Variants in PCCA observed in about 807,000 individuals in gnomAD.
PCCA encodes propionyl-CoA carboxylase alpha chain, mitochondrial.
Under a neutral mutation model 101.3 loss-of-function variants are expected in PCCA, and 74 were observed. The ratio of observed to expected loss-of-function variants is 0.73; its 90% CI spans 0.61 to 0.89. The LOEUF (loss-of-function observed/expected upper bound fraction) is 0.89, where lower values mean the gene tolerates loss of function less well. PCCA is among the 40% of genes least tolerant of loss of function. The probability of loss-of-function intolerance (pLI) is 0.00; values close to 1 mark genes in which losing one functional copy is unlikely to be tolerated. For missense variants in PCCA, 891 were observed against 907.0 expected (o/e 0.98, Z 0.23); for synonymous variants, 294 against 313.6 (o/e 0.94, Z 0.66).
intron 12 of PCCA, chr13:100,293,369 AC>A (rs1250759754): frequency 3.1e-6 from 1 of 319,092 alleles, no homozygotes; most frequent in Non-Finnish European, 6.6e-6. Context: ...TTTTTTTGTA[AC>A]TTGATTTTGC....
At position 100,152,638 on chromosome 13, in the gene PCCA, G is replaced by A. The variant is rs1451577240; in HGVS notation, c.301-2341G>A. Reference sequence around the variant, plus strand: ...ATTTTTTGTGTTTTTAGTAGAAACGGGGTTTCACCATGTTAGCCAGGATGG... The same window carrying A: ...ATTTTTTGTGTTTTTAGTAGAAACGAGGTTTCACCATGTTAGCCAGGATGG... On this transcript the variant is annotated intron_variant, in intron 4 of 23. Coordinates refer to ENST00000376285, the MANE Select transcript of PCCA (RefSeq NM_000282.4). 2.6e-5 allele frequency among the ~76,000 whole-genome samples: 4 copies of A among 151,718 alleles called. No individual in the cohort carries two copies. In the East Asian group the frequency reaches 7.7e-4, roughly 29 times the overall value.
At chr13:100,316,202 T>C (rs1390118802) in intron 16 of PCCA, among the ~76,000 whole-genome samples, 4 of 152,208 alleles carry the variant, frequency 2.6e-5, no homozygotes, top group Non-Finnish European at 4.4e-5. Context: ...GAAAAAGAGA[T>C]AACGATTTAG....
At chr13:100,503,577 G>A (rs2085845823) in intron 21 of PCCA, among the ~76,000 whole-genome samples, 1 of 151,742 alleles carries the variant, frequency 6.6e-6, no homozygotes, top group Non-Finnish European at 1.5e-5. Flanking sequence ...CAAGGATGTT[G>A]AATGGCCAAA....
rs564630515 is a variant in PCCA at position 100,287,689 on chromosome 13, G to A, written c.1066-13771G>A. On this transcript the variant is annotated intron_variant, in intron 12 of 23. Coordinates refer to ENST00000376285, the MANE Select transcript of PCCA (RefSeq NM_000282.4). ...TGTAGCATTTCCTTTCTTTTCTGTAGGCATGGCTCTCCTGGAGGTTTCATC... is the reference window on the plus strand; with the variant it reads ...TGTAGCATTTCCTTTCTTTTCTGTAAGCATGGCTCTCCTGGAGGTTTCATC... Among the ~76,000 whole-genome samples, 10 of 152,076 alleles carry A rather than the reference G, an allele frequency of 6.6e-5. No individual in the cohort carries two copies. In the South Asian group the frequency reaches 2.1e-3, roughly 32 times the overall value.
At chr13:100,408,869 A>G (rs557135192) in intron 19 of PCCA, among the ~76,000 whole-genome samples, 3 of 152,370 alleles carry the variant, frequency 2.0e-5, no homozygotes, top group East Asian at 3.9e-4. Context: ...AAAGTAGGAA[A>G]AAAACAACAA....
chr13:100,264,374 A>T (rs1199834376), intron 10 of PCCA, among the ~76,000 whole-genome samples: 2 of 152,150 alleles, frequency 1.3e-5, no homozygotes, highest in East Asian at 1.9e-4. Flanking sequence ...CCAGGTCTAG[A>T]TAGAGAATGT....
intron 6 of PCCA, among the ~76,000 whole-genome samples, chr13:100,202,168 CAAA>C (rs10678691): frequency 1.0e-5 from 1 of 96,796 alleles, no homozygotes. Flanking sequence ...CATCTCTACC[CAAA>C]AAAAAAAAAA....
intron 19 of PCCA, among the ~76,000 whole-genome samples, chr13:100,406,437 G>A (rs908548901): frequency 4.6e-5 from 7 of 152,180 alleles, no homozygotes; most frequent in South Asian, 2.1e-4. Flanking sequence ...GGGTGCGGCC[G>A]CTCACGCCTG....
chr13:100,372,925 G>T (rs1247644420), intron 19 of PCCA, among the ~76,000 whole-genome samples: 1 of 152,074 alleles, frequency 6.6e-6, no homozygotes, highest in Non-Finnish European at 1.5e-5. Flanking sequence ...TGTATTTTTA[G>T]TAGAGATGGT....
At chr13:100,459,251 C>G (rs940155636) in intron 21 of PCCA, among the ~76,000 whole-genome samples, 25 of 152,278 alleles carry the variant, frequency 1.6e-4, no homozygotes, top group Non-Finnish European at 3.5e-4. Context: ...GACCCTATTT[C>G]CAAATAAGGT....
At chr13:100,172,428 A>G (rs1193916742) in intron 6 of PCCA, among the ~76,000 whole-genome samples, 1 of 152,072 alleles carries the variant, frequency 6.6e-6, no homozygotes, top group Non-Finnish European at 1.5e-5. Context: ...ATGACTTCTA[A>G]TGTTAATAGG....
intron 7 of PCCA, among the ~76,000 whole-genome samples, chr13:100,220,891 T>C (rs539320710): frequency 5.3e-5 from 8 of 152,210 alleles, no homozygotes; most frequent in Non-Finnish European, 1.0e-4. Flanking sequence ...AGCCTAATGG[T>C]TGGCCATCTC....
rs527573616 is a variant in PCCA at position 100,450,393 on chromosome 13, CA to C, written c.1899+1101del. 2.2e-3 allele frequency among the ~76,000 whole-genome samples: 286 copies of C among 132,872 alleles called. 1 individual carries two copies. The highest frequency in any genetic ancestry group is 0.017 in the East Asian group (80 of 4,752). 87.2% of individuals were successfully genotyped at this position (132,872 alleles called of 152,430 possible). ...TGTGTGACAGAGCGAGACCCCGTCT[CA>C]AAAAAAAAAAAAGTACCTTATTTTA... On this transcript the variant is annotated intron_variant, in intron 21 of 23. Transcript: ENST00000376285.
chr13:100,169,907 C>A (rs2055464731), intron 6 of PCCA, among the ~76,000 whole-genome samples: 1 of 152,120 alleles, frequency 6.6e-6, no homozygotes, highest in Non-Finnish European at 1.5e-5. Context: ...ACCTTGTTGA[C>A]CAGGCTGGTC....
chr13:100,397,492 A>G lies in PCCA; in HGVS notation c.1747-28141A>G, dbSNP rs180736422. On this transcript the variant is annotated intron_variant, in intron 19 of 23. Coordinates refer to ENST00000376285, the MANE Select transcript of PCCA (RefSeq NM_000282.4). ...AGTAATACGATGTTTATAGTTGGGG[A>G]AAAAAACCCAAAGAGCGTTCATAAT... 5.3e-3 allele frequency among the ~76,000 whole-genome samples: 759 copies of G among 143,228 alleles called. 5 individuals are homozygous for G. Among genetic ancestry groups the G allele is most frequent in the African/African-American group, 0.022 (733 of 32,904 alleles). The allele number at this position is 143,228 out of a possible 152,430, so 94.0% of individuals were successfully genotyped here. A position where few individuals can be genotyped will look rare whatever the true frequency, so the allele number is the denominator to read the frequency against.
chr13:100,267,435 A>G (rs759396759), intron 10 of PCCA, among the ~76,000 whole-genome samples: 3 of 152,098 alleles, frequency 2.0e-5, no homozygotes, highest in Non-Finnish European at 2.9e-5. Context: ...TTTATTTTAC[A>G]TTTTACCAAT....
chr13:100,138,864 A>G lies in PCCA; in HGVS notation c.301-16115A>G, dbSNP rs1463756449. Among the ~76,000 whole-genome samples, 4 of 149,686 alleles carry G rather than the reference A, an allele frequency of 2.7e-5. No homozygotes were observed. The East Asian group carries it at 7.9e-4, about 30-fold the overall frequency. Reference sequence around the variant, plus strand: ...GCAGGAGAAAGGCTTGAACCAGGACAGTAGAGGTTGCAGTGAGCCAAGATC... The same window carrying G: ...GCAGGAGAAAGGCTTGAACCAGGACGGTAGAGGTTGCAGTGAGCCAAGATC... On this transcript the variant is annotated intron_variant, in intron 4 of 23. Transcript: ENST00000376285.
intron 17 of PCCA, among the ~76,000 whole-genome samples, chr13:100,339,782 A>G (rs1269142670): frequency 6.6e-6 from 1 of 152,114 alleles, no homozygotes; most frequent in African/African-American, 2.4e-5. Flanking sequence ...CGCTATCCTC[A>G]CTTCCCTCAG....
intron 20 of PCCA, among the ~76,000 whole-genome samples, chr13:100,437,162 T>A (rs536973340): frequency 2.6e-4 from 40 of 152,356 alleles, no homozygotes; most frequent in Admixed American, 6.5e-5. Flanking sequence ...GGCTTGTGCA[T>A]GCCCTAGGCT....
Sources: gnomAD v4.1 joint callset for allele counts (sites outside exome capture counted in the v4.1 genomes callset) on GRCh38, gnomAD v4.1.1 for gene constraint, MANE v1.5 for transcripts, NCBI Gene and HGNC (gene_info 2026-07-23, HGNC 2026-07-21) for gene names.